The following CDK8 variants were observed in gnomAD, a reference collection of about 807,000 sequenced individuals.
The protein encoded by CDK8 is cyclin-dependent kinase 8.
A neutral mutation model predicts 71.5 loss-of-function variants in CDK8; 29 were observed. The ratio of observed to expected loss-of-function variants is 0.41; its 90% CI spans 0.30 to 0.55. The LOEUF is 0.55. Ranked by LOEUF, CDK8 falls within the 20% of genes least tolerant of loss-of-function variation. The probability of loss-of-function intolerance (pLI) is 0.37; values close to 1 mark genes in which losing one functional copy is unlikely to be tolerated. For missense variants in CDK8, 288 were observed against 572.6 expected (o/e 0.50, Z 5.07); for synonymous variants, 161 against 192.1 (o/e 0.84, Z 1.34).
In CDK8 at chr13:26,401,035, C is replaced by A. The variant is rs1250311286; in HGVS notation, c.1032-234C>A. On this transcript the variant is annotated intron_variant, in intron 10 of 12. Transcript: ENST00000381527. The surrounding 1 kb of genome is among the most constrained non-coding windows in gnomAD (Gnocchi z 4.5). ...CTGGGATAAAAGAAGAAAGCTGAAT[C>A]ATACTCGATGATTATTGATCATTTG... Among the ~76,000 whole-genome samples the A allele has an allele frequency of 6.6e-6, 1 of 152,272 alleles. No individual in the cohort carries two copies. Among genetic ancestry groups the A allele is most frequent in the Non-Finnish European group, 1.5e-5 (1 of 68,032 alleles).
rs547238732 is a variant in CDK8 at position 26,366,095 on chromosome 13, A to G, written c.456+12215A>G. 3.9e-5 allele frequency among the ~76,000 whole-genome samples: 6 copies of G among 152,166 alleles called. No homozygotes were observed. In the South Asian group the frequency reaches 1.0e-3, roughly 26 times the overall value. On this transcript the variant is annotated intron_variant, in intron 4 of 12. Coordinates refer to ENST00000381527, the MANE Select transcript of CDK8 (RefSeq NM_001260.3). ...ACCTGAATCTTTAAAGATGGACTAT[A>G]TTAGATAAGATTTTCTTTTATCTCA...
intron 4 of CDK8, among the ~76,000 whole-genome samples, chr13:26,366,840 A>G (rs1346320541): frequency 6.6e-6 from 1 of 152,220 alleles, no homozygotes; most frequent in Non-Finnish European, 1.5e-5. Flanking sequence ...GTTTATGTAA[A>G]CATCTTGAAC....
At chr13:26,403,838 T>A in intron 12 of CDK8, 118 bp from the exon 13 acceptor site, 1 of 1,255,316 alleles carries the variant, frequency 8.0e-7, no homozygotes, top group South Asian at 1.4e-5. Flanking sequence ...AGTTAGTACA[T>A]AGCACAAAAC....
At chr13:26,370,355 T>A (rs17083938) in intron 4 of CDK8, among the ~76,000 whole-genome samples, 8,881 of 152,284 alleles carry the variant, frequency 0.058, 866 homozygotes, top group African/African-American at 0.2. Flanking sequence ...TGGAAACCTC[T>A]TAACAAAATT....
intron 5 of CDK8, among the ~76,000 whole-genome samples, chr13:26,384,168 A>G (rs1212739983): frequency 6.6e-6 from 1 of 152,160 alleles, no homozygotes; most frequent in Non-Finnish European, 1.5e-5. Flanking sequence ...AAGCATTCAC[A>G]TTTAAGAAGA....
chr13:26,273,192 G>C (rs934620851), intron 1 of CDK8, among the ~76,000 whole-genome samples: 1 of 152,132 alleles, frequency 6.6e-6, no homozygotes, highest in Non-Finnish European at 1.5e-5. Flanking sequence ...GGCATACTTT[G>C]TTAAAAATCA....
At chr13:26,371,971 G>A (rs1403486878) in intron 4 of CDK8, among the ~76,000 whole-genome samples, 2 of 152,112 alleles carry the variant, frequency 1.3e-5, no homozygotes, top group Admixed American at 1.3e-4. Flanking sequence ...TAAAGAATGA[G>A]CAAAAATTAT....
At chr13:26,326,936 T>C (rs942386) in intron 1 of CDK8, among the ~76,000 whole-genome samples, 8,811 of 152,216 alleles carry the variant, frequency 0.058, 851 homozygotes, top group African/African-American at 0.2. Flanking sequence ...TGGCATACAA[T>C]ACACAGATTC....
chr13:26,378,634 A>G (rs1875068978), intron 4 of CDK8, among the ~76,000 whole-genome samples: 1 of 152,210 alleles, frequency 6.6e-6, no homozygotes, highest in Admixed American at 6.5e-5. Flanking sequence ...AGGATTTCTG[A>G]TCTCCATGGC....
chr13:26,363,191 G>A (rs895080727), intron 4 of CDK8, among the ~76,000 whole-genome samples: 10 of 150,582 alleles, frequency 6.6e-5, no homozygotes, highest in African/African-American at 2.4e-4. Context: ...AGCCAGGTGC[G>A]GTGACAGGAG....
intron 1 of CDK8, among the ~76,000 whole-genome samples, chr13:26,291,225 G>A (rs1445487311): frequency 6.6e-6 from 1 of 152,128 alleles, no homozygotes; most frequent in African/African-American, 2.4e-5. Context: ...GGAACAATGA[G>A]CTATATCATA....
chr13:26,295,416 C>T (rs1046268415), intron 1 of CDK8, among the ~76,000 whole-genome samples: 3 of 152,104 alleles, frequency 2.0e-5, no homozygotes, highest in African/African-American at 4.8e-5. Context: ...GAGGGGAAGG[C>T]AAAAGAGTGA....
chr13:26,329,461 C>G (rs1304046109), intron 1 of CDK8, among the ~76,000 whole-genome samples: 1 of 145,354 alleles, frequency 6.9e-6, no homozygotes, highest in African/African-American at 2.6e-5. Flanking sequence ...CTTACCTTGC[C>G]TATTTCTGTT....
At chr13:26,288,118 A>G (rs1327945083) in intron 1 of CDK8, among the ~76,000 whole-genome samples, 1 of 151,950 alleles carries the variant, frequency 6.6e-6, no homozygotes, top group Non-Finnish European at 1.5e-5. Context: ...ACGTGCCACC[A>G]TGCCCGGCTA....
chr13:26,289,620 G>T (rs980250313), intron 1 of CDK8, among the ~76,000 whole-genome samples: 4 of 151,864 alleles, frequency 2.6e-5, no homozygotes, highest in African/African-American at 9.7e-5. Context: ...GCGGGATCTC[G>T]GCTCACTGCA....
At chr13:26,356,713 A>T (rs1277533418) in intron 4 of CDK8, among the ~76,000 whole-genome samples, 13 of 152,296 alleles carry the variant, frequency 8.5e-5, no homozygotes, top group African/African-American at 2.6e-4. Flanking sequence ...TGTATGTAGT[A>T]ATATGATATT....
chr13:26,270,090 A>G (rs377176899), intron 1 of CDK8, among the ~76,000 whole-genome samples: 1 of 151,990 alleles, frequency 6.6e-6, no homozygotes, highest in African/African-American at 2.4e-5. Context: ...CAATTCATCT[A>G]TTTAAAATAT....
chr13:26,369,999 A>G (rs556132821), intron 4 of CDK8, among the ~76,000 whole-genome samples: 1 of 152,310 alleles, frequency 6.6e-6, no homozygotes, highest in East Asian at 1.9e-4. Flanking sequence ...CAATAAGTAG[A>G]TCAATAACTA....
At chr13:26,268,202 G>A (rs1329021114) in intron 1 of CDK8, among the ~76,000 whole-genome samples, 4 of 149,816 alleles carry the variant, frequency 2.7e-5, no homozygotes, top group African/African-American at 9.9e-5. Context: ...TAAATACATT[G>A]TAAAGTCAGA....
Sources: gnomAD v4.1 joint callset for allele counts (sites outside exome capture counted in the v4.1 genomes callset) on GRCh38, gnomAD v4.1.1 for gene constraint, Gnocchi (gnomAD v3.1) non-coding constraint, MANE v1.5 for transcripts, NCBI Gene and HGNC (gene_info 2026-07-23, HGNC 2026-07-21) for gene names.